Variants in ATP7B observed in about 807,000 individuals in gnomAD.
The protein encoded by ATP7B is copper-transporting ATPase 2.
Under a neutral mutation model 118.9 loss-of-function variants are expected in ATP7B, and 113 were observed. The ratio of observed to expected loss-of-function variants is 0.95; its 90% confidence interval spans 0.82 to 1.11. The LOEUF (loss-of-function observed/expected upper bound fraction) is 1.11, where lower values mean the gene tolerates loss of function less well. Ranked by LOEUF, ATP7B falls within the 50% of genes most tolerant of loss-of-function variation. The pLI, the probability that ATP7B is intolerant of heterozygous loss-of-function variation, is 0.00. For synonymous variants in ATP7B, 777 were observed against 727.4 expected (o/e 1.07, Z -1.10); for missense variants, 1,867 against 1,871.4 (o/e 1.00, Z 0.04).
chr13:51,949,550 A>C (rs2139182286), intron 12 of ATP7B, 112 bp downstream of exon 12: 1 of 1,485,720 alleles, frequency 6.7e-7, no homozygotes, highest in East Asian at 2.3e-5. Flanking sequence ...GCAAGCAAAT[A>C]AAATGTAATG....
At chr13:51,973,212 A>C (rs1025608100) in intron 2 of ATP7B, among the ~76,000 whole-genome samples, 2 of 152,174 alleles carry the variant, frequency 1.3e-5, no homozygotes, top group African/African-American at 4.8e-5. Flanking sequence ...AGGTGATAAT[A>C]GTTCTCTTGG....
At chr13:51,981,098 A>G (rs193122905) in intron 1 of ATP7B, among the ~76,000 whole-genome samples, 2 of 152,352 alleles carry the variant, frequency 1.3e-5, no homozygotes, top group Admixed American at 1.3e-4. Context: ...AAACTGACTC[A>G]GAAGCTTATC....
chr13:51,939,284 T>G (rs1957171522), intron 16 of ATP7B, 91 bp from the exon 17 acceptor site: 2 of 1,570,330 alleles, frequency 1.3e-6, no homozygotes, highest in African/African-American at 1.3e-5. Flanking sequence ...CATATAATAT[T>G]ATGTGCAAAA....
At chr13:51,953,009 C>G (rs1004988730) in intron 9 of ATP7B, among the ~76,000 whole-genome samples, 3 of 152,160 alleles carry the variant, frequency 2.0e-5, no homozygotes, top group Admixed American at 6.5e-5. Flanking sequence ...AAGACACACA[C>G]AGAAAGTTCA....
In ATP7B at chr13:51,958,350, C is replaced by A; in HGVS notation, c.2316G>T (p.Val772=). 6.2e-7 allele frequency: 1 copy of A among 1,614,214 alleles called. No homozygotes were observed. The highest frequency in any genetic ancestry group is 8.5e-7 in the Non-Finnish European group (1 of 1,180,046). The change falls in exon 8 of 21, where the codon GTG becomes GTT. Residue 772 remains valine, a synonymous_variant. Coordinates refer to ENST00000242839, the MANE Select transcript of ATP7B (RefSeq NM_000053.4). ...TFFDTPPMLF[V]FIALGRWLEH... ...CCAGCCACCGGCCCAGGGCAATGAA[C>A]ACAAAGAGCATGGGGGGCGTGTCGA...
rs10555680 is a variant in ATP7B at position 51,940,000 on chromosome 13, CTTTTTTTTTTTT to C, written c.3557-819_3557-808del. Among the ~76,000 whole-genome samples, 25 of 52,338 alleles carry C rather than the reference CTTTTTTTTTTTT, an allele frequency of 4.8e-4. No homozygotes were observed. In the South Asian group the frequency reaches 0.014, roughly 30 times the overall value. The allele number at this position is 52,338 out of a possible 152,430, so 34.3% of individuals were successfully genotyped here. A position where few individuals can be genotyped will look rare whatever the true frequency, so the allele number is the denominator to read the frequency against. On this transcript the variant is annotated intron_variant, in intron 16 of 20. Coordinates refer to ENST00000242839, the MANE Select transcript of ATP7B (RefSeq NM_000053.4). ...ATCTGAGCACTAAAACACATGCAGT[CTTTTTTTTTTTT>C]TTTTTTTTTTTTTTTTTGAGACAGA...
chr13:51,958,357 A>G lies in ATP7B; in HGVS notation c.2309T>C (p.Leu770Pro), dbSNP rs2139529990. Residue 770 changes from leucine (L) to proline (P), a missense_variant, in exon 8 of 21, where the codon CTC (leucine) becomes CCC (proline). Transcript: ENST00000242839. ...PVTFFDTPPM[L>P]FVFIALGRWL... Reference sequence around the variant, plus strand: ...CCGGCCCAGGGCAATGAACACAAAGAGCATGGGGGGCGTGTCGAAGAATGT... The same window carrying G: ...CCGGCCCAGGGCAATGAACACAAAGGGCATGGGGGGCGTGTCGAAGAATGT... 6.2e-7 allele frequency: 1 copy of G among 1,614,212 alleles called. No homozygotes were observed. The highest frequency in any genetic ancestry group is 1.3e-5 in the African/African-American group (1 of 75,046).
intron 7 of ATP7B, 161 bp downstream of exon 7, chr13:51,959,987 A>T: frequency 9.9e-7 from 1 of 1,007,976 alleles, no homozygotes; most frequent in Non-Finnish European, 1.5e-6. Flanking sequence ...ACTGGTCATT[A>T]AGAGAGAAAA....
intron 13 of ATP7B, 147 bp from the exon 14 acceptor site, chr13:51,944,438 A>G (rs1404378376): frequency 9.5e-7 from 1 of 1,052,584 alleles, no homozygotes; most frequent in East Asian, 2.6e-5. Flanking sequence ...CTGTCGTTCA[A>G]TCTCAGGGTT....
At chr13:51,937,172 C>T (rs1336085949) in intron 19 of ATP7B, 104 bp downstream of exon 19, 3 of 1,146,290 alleles carry the variant, frequency 2.6e-6, no homozygotes, top group Admixed American at 1.8e-5. Context: ...TCTAAAACGC[C>T]TCTAGCCAGC....
In ATP7B at chr13:51,935,716, A is replaced by G. The variant is rs747902638; in HGVS notation, c.4022-21T>C. 7 of 1,597,586 alleles carry G rather than the reference A, an allele frequency of 4.4e-6. No individual in the cohort carries two copies. In the African/African-American group the frequency reaches 6.7e-5, roughly 15 times the overall value. On this transcript the variant is annotated intron_variant, in intron 19 of 20. Coordinates refer to ENST00000242839, the MANE Select transcript of ATP7B (RefSeq NM_000053.4). Reference sequence around the variant, plus strand: ...GACACCTGGGGAAGAAAGAACTCGCACTCACACCTAGGTCTGGGGAGAGGA... The same window carrying G: ...GACACCTGGGGAAGAAAGAACTCGCGCTCACACCTAGGTCTGGGGAGAGGA...
chr13:51,983,526 G>A (rs530523352), intron 1 of ATP7B, among the ~76,000 whole-genome samples: 58 of 152,324 alleles, frequency 3.8e-4, no homozygotes, highest in African/African-American at 1.4e-3. Flanking sequence ...GCTCTGAAGA[G>A]AGCAGTGGAT....
chr13:51,935,044 C>T lies in ATP7B; in HGVS notation c.4125-15G>A, dbSNP rs1299442769. 4 of 1,613,586 alleles carry T rather than the reference C, an allele frequency of 2.5e-6. No homozygotes were observed. The highest frequency in any genetic ancestry group is 1.1e-5 in the South Asian group (1 of 91,060). On this transcript the variant is annotated splice_polypyrimidine_tract_variant and intron_variant, in intron 20 of 20. Transcript: ENST00000242839. The stretch of plus-strand genomic sequence containing the variant: ...GCTTCTTATAGCTGGAAAGCAGGAA[C>T]GCAACAGCATCTGAGCCATTCTAGA...
intron 11 of ATP7B, 28 bp from the exon 12 acceptor site, chr13:51,949,824 G>A (rs1401243848): frequency 5.0e-6 from 8 of 1,613,690 alleles, no homozygotes; most frequent in Middle Eastern, 1.6e-4. Flanking sequence ...CAAGACCATG[G>A]GAAATTACAA....
intron 12 of ATP7B, among the ~76,000 whole-genome samples, chr13:51,948,486 T>G (rs943725469): frequency 2.0e-5 from 3 of 152,172 alleles, no homozygotes; most frequent in African/African-American, 7.2e-5. Flanking sequence ...GTAAAAACAT[T>G]GTTCCGCTCA....
intron 13 of ATP7B, among the ~76,000 whole-genome samples, chr13:51,945,138 G>T (rs892103962): frequency 6.6e-6 from 1 of 152,064 alleles, no homozygotes; most frequent in Non-Finnish European, 1.5e-5. Flanking sequence ...AGCTTTCAGC[G>T]CAACCTTAAC....
intron 1 of ATP7B, among the ~76,000 whole-genome samples, chr13:52,002,982 A>C (rs1007294823): frequency 6.6e-6 from 1 of 152,206 alleles, no homozygotes; most frequent in Non-Finnish European, 1.5e-5. Context: ...CTTGCTCTGG[A>C]CTAGGCTTTG....
chr13:51,970,828 TGGTGA>T, intron 2 of ATP7B, 79 bp from the exon 3 acceptor site: 2 of 1,499,316 alleles, frequency 1.3e-6, no homozygotes, highest in Non-Finnish European at 1.8e-6. Context: ...TCAGGGCTCT[TGGTGA>T]GGGTTCATTG....
rs755267357 is a variant in ATP7B at position 51,975,052 on chromosome 13, C to CT, written c.167dup (p.Val57GlyfsTer21). ...AGATCCTGACTGTGCTGGTGGCCACCTGAGAAGAAGGGCCCAGGCCATCCA... is the reference window on the plus strand; with the variant it reads ...AGATCCTGACTGTGCTGGTGGCCACCTTGAGAAGAAGGGCCCAGGCCATCCA... On this transcript the variant is annotated frameshift_variant, in exon 2 of 21. Transcript: ENST00000242839. LOFTEE classifies it high-confidence loss of function. The CT allele has an allele frequency of 6.2e-7, 1 of 1,614,208 alleles. No homozygotes were observed. The highest frequency in any genetic ancestry group is 1.7e-5 in the Admixed American group (1 of 60,030).
Sources: allele counts gnomAD v4.1 joint callset (sites outside exome capture counted in the v4.1 genomes callset), GRCh38; gene constraint gnomAD v4.1.1; transcripts MANE v1.5; gene names NCBI Gene and HGNC (gene_info 2026-07-23, HGNC 2026-07-21).